POLR1A: variants seen among roughly 807,000 people sequenced by gnomAD.
POLR1A encodes RNA polymerase I subunit A.
Under a neutral mutation model 205.3 loss-of-function variants are expected in POLR1A, and 84 were observed. That is an observed-to-expected ratio of 0.41 (90% confidence interval 0.34 to 0.49). The LOEUF is 0.49. Ranked by LOEUF, POLR1A falls within the 20% of genes least tolerant of loss-of-function variation. The pLI is 0.22. For missense variants in POLR1A, 1,645 were observed against 2,204.5 expected, an observed-to-expected ratio of 0.75 and a Z score of 5.08; for synonymous variants, 799 against 863.7, an observed-to-expected ratio of 0.93 and a Z score of 1.31.
intron 1 of POLR1A, among the ~76,000 whole-genome samples, chr2:86,102,424 T>C (rs1479617758): frequency 1.3e-5 from 2 of 152,252 alleles, no homozygotes; most frequent in Non-Finnish European, 2.9e-5. Context: ...TATGTCTTCT[T>C]TGGAAAAATG....
rs1470498486 is a variant in POLR1A at position 86,089,811 on chromosome 2, T to A, written c.540+11A>T. The A allele has an allele frequency of 5.4e-6, 8 of 1,470,286 alleles. No homozygotes were observed. Among genetic ancestry groups the A allele is most frequent in the Non-Finnish European group, 7.6e-6 (8 of 1,048,708 alleles). The allele number at this position is 1,470,286 out of a possible 1,614,324, so 91.1% of individuals were successfully genotyped here. A position where few individuals can be genotyped will look rare whatever the true frequency, so the allele number is the denominator to read the frequency against. On this transcript the variant is annotated intron_variant, in intron 4 of 33. Transcript: ENST00000263857. ...CCAAAACAGCATGGGAGAAAGACAGTGTTAACTCACATGTGCGCCCTGGGA... is the reference window on the plus strand; with the variant it reads ...CCAAAACAGCATGGGAGAAAGACAGAGTTAACTCACATGTGCGCCCTGGGA...
chr2:86,030,116 G>A, intron 31 of POLR1A, 80 bp downstream of exon 31: 1 of 1,161,010 alleles, frequency 8.6e-7, no homozygotes, highest in Non-Finnish European at 1.3e-6. Context: ...CGTAGAGCGA[G>A]CCTCCCAGTG....
At chr2:86,063,010 T>C (rs555305714) in intron 14 of POLR1A, among the ~76,000 whole-genome samples, 1 of 152,180 alleles carries the variant, frequency 6.6e-6, no homozygotes, top group African/African-American at 2.4e-5. Context: ...AATAGCTCTA[T>C]GTCTACTAAA....
chr2:86,063,804 AC>A (rs1056088770), intron 14 of POLR1A, among the ~76,000 whole-genome samples: 1 of 152,042 alleles, frequency 6.6e-6, no homozygotes, highest in African/African-American at 2.4e-5. Flanking sequence ...TTGATTTGGG[AC>A]CCTTTTTCTT....
chr2:86,096,313 A>G (rs925255470), intron 3 of POLR1A, among the ~76,000 whole-genome samples: 1 of 152,168 alleles, frequency 6.6e-6, no homozygotes, highest in Non-Finnish European at 1.5e-5. Flanking sequence ...ATACTTATAG[A>G]TCAGAATAAT....
chr2:86,045,416 G>A, intron 20 of POLR1A, 56 bp from the exon 21 acceptor site: 4 of 1,422,754 alleles, frequency 2.8e-6, no homozygotes, highest in Non-Finnish European at 4.0e-6. Context: ...TGCGCTTCCT[G>A]AAGGGCTCAG....
intron 3 of POLR1A, among the ~76,000 whole-genome samples, chr2:86,096,006 G>A (rs1443813685): frequency 6.6e-6 from 1 of 152,038 alleles, no homozygotes; most frequent in Non-Finnish European, 1.5e-5. Flanking sequence ...GGGATTACAG[G>A]TGTGAGCCAC....
intron 26 of POLR1A, 137 bp from the exon 27 acceptor site, chr2:86,038,994 A>T: frequency 3.8e-6 from 3 of 783,064 alleles, no homozygotes; most frequent in Non-Finnish European, 6.3e-6. Flanking sequence ...AACCCTGGTG[A>T]GCTATACTGG....
intron 1 of POLR1A, among the ~76,000 whole-genome samples, chr2:86,101,408 T>A (rs1458110905): frequency 6.6e-6 from 1 of 152,192 alleles, no homozygotes; most frequent in Admixed American, 6.5e-5. Flanking sequence ...GATTCTATGT[T>A]GCATGGCCAG....
chr2:86,069,963 A>C, intron 13 of POLR1A, 55 bp downstream of exon 13: 1 of 1,566,300 alleles, frequency 6.4e-7, no homozygotes, highest in East Asian at 2.3e-5. Flanking sequence ...GCCCAACTTA[A>C]AAGTGCTAAG....
At chr2:86,097,896 G>A (rs989893612) in intron 3 of POLR1A, among the ~76,000 whole-genome samples, 1 of 152,060 alleles carries the variant, frequency 6.6e-6, no homozygotes, top group African/African-American at 2.4e-5. Flanking sequence ...TTGCATGTTC[G>A]CAACACAAAG....
intron 7 of POLR1A, 23 bp downstream of exon 7, chr2:86,083,059 A>G: frequency 6.4e-7 from 1 of 1,569,208 alleles, no homozygotes. Flanking sequence ...GATCAAGGCT[A>G]TTTCTTTAGC....
At chr2:86,092,754 G>T (rs1050896563) in intron 3 of POLR1A, among the ~76,000 whole-genome samples, 1 of 152,196 alleles carries the variant, frequency 6.6e-6, no homozygotes. Context: ...GAACCCGGGA[G>T]GTGGAGGCTG....
intron 28 of POLR1A, 81 bp downstream of exon 28, chr2:86,033,580 A>G (rs1573802040): frequency 6.8e-7 from 1 of 1,470,698 alleles, no homozygotes; most frequent in Non-Finnish European, 9.3e-7. Flanking sequence ...GGGCTGGAGG[A>G]GCACAGAGAA....
In POLR1A at chr2:86,043,003, G is replaced by T. The variant is rs992470587; in HGVS notation, c.3328C>A (p.Arg1110Ser). The change falls in exon 23 of 34, where the codon CGC (arginine) becomes AGC (serine). Residue 1110 changes from arginine (R) to serine (S), a missense_variant. Physicochemically the swap from Arg to Ser is moderately radical, Grantham distance 110. This residue lies in a region of POLR1A where 201 missense variants were observed against 222.3 expected (regional missense o/e 0.90). Coordinates refer to ENST00000263857, the MANE Select transcript of POLR1A (RefSeq NM_015425.6). ...TGAGTCCCAGGGCTGCGGCCATTGC[G>T]GTTTTCACTCTCAAGTTTCAGGGCT... Reference protein sequence around the residue: ...VKALKLESENRNGRSPGTQEM... With the variant: ...VKALKLESENSNGRSPGTQEM... The T allele has an allele frequency of 1.2e-6, 2 of 1,613,810 alleles. No homozygotes were observed. The highest frequency in any genetic ancestry group is 2.2e-5 in the South Asian group (2 of 91,066).
At chr2:86,040,348 G>A in intron 25 of POLR1A, 44 bp downstream of exon 25, 1 of 1,433,708 alleles carries the variant, frequency 7.0e-7, no homozygotes, top group Non-Finnish European at 9.2e-7. Context: ...TTCTCCAGGA[G>A]AGGCTAGGAC....
At chr2:86,099,185 T>C (rs564926617) in intron 2 of POLR1A, among the ~76,000 whole-genome samples, 1 of 151,994 alleles carries the variant, frequency 6.6e-6, no homozygotes, top group South Asian at 2.1e-4. Flanking sequence ...CTGTCTCCCG[T>C]AATTTTTGTA....
intron 7 of POLR1A, among the ~76,000 whole-genome samples, 192 bp downstream of exon 7, chr2:86,082,890 T>C (rs575315469): frequency 2.0e-5 from 3 of 152,318 alleles, no homozygotes; most frequent in Non-Finnish European, 1.5e-5. Flanking sequence ...AAGTTTTTGG[T>C]GCTGGGTATG....
chr2:86,078,093 G>A (rs1341472887), intron 10 of POLR1A, 21 bp downstream of exon 10: 2 of 1,612,600 alleles, frequency 1.2e-6, no homozygotes, highest in Admixed American at 1.7e-5. Context: ...GCTAGCAATG[G>A]GAATCCAGTT....
Sources: gnomAD v4.1 joint callset for allele counts (sites outside exome capture counted in the v4.1 genomes callset) on GRCh38, gnomAD v4.1.1 for gene constraint, gnomAD v4.1.1 regional missense constraint, MANE v1.5 for transcripts, NCBI Gene and HGNC (gene_info 2026-07-23, HGNC 2026-07-21) for gene names.